The following SNCG variants were observed in gnomAD, a reference collection of about 807,000 sequenced individuals.
The protein encoded by SNCG is gamma-synuclein.
Under a neutral mutation model 16.0 loss-of-function variants are expected in SNCG, and 13 were observed. The ratio of observed to expected loss-of-function variants is 0.81; its 90% CI spans 0.53 to 1.29. The LOEUF is 1.29. Among genes scored for constraint, SNCG ranks in the 50% most tolerant of loss-of-function variants. The probability of loss-of-function intolerance (pLI) is 0.00; values close to 1 mark genes in which losing one functional copy is unlikely to be tolerated. For missense variants in SNCG, 154 were observed against 168.5 expected (o/e 0.91, Z 0.48); for synonymous variants, 66 against 66.3 (o/e 1.00, Z 0.02).
rs1447470622 is a variant in SNCG, at chr10:86,958,839, T to TG, written c.121+24dup. 3.2e-6 allele frequency: 5 copies of TG among 1,584,824 alleles called. No individual in the cohort carries two copies. In the South Asian group the frequency reaches 4.7e-5, roughly 15 times the overall value. On this transcript the variant is annotated intron_variant, in intron 1 of 4. Transcript: ENST00000372017. Reference sequence around the variant, plus strand: ...TGTGGGTAAGTGGGGCATGGCAGGGTGGGACAGTGTGGTGGCCAAAGGGTG... The same window carrying TG: ...TGTGGGTAAGTGGGGCATGGCAGGGTGGGGACAGTGTGGTGGCCAAAGGGTG...
In SNCG at chr10:86,962,495, G is replaced by A. The variant is rs1844370939; in HGVS notation, c.292-109G>A. 8.5e-6 allele frequency: 6 copies of A among 709,918 alleles called. No individual in the cohort carries two copies. In the East Asian group the frequency reaches 1.4e-4, roughly 16 times the overall value. 44.0% of individuals were successfully genotyped at this position (709,918 alleles called of 1,614,324 possible). The stretch of plus-strand genomic sequence containing the variant: ...CCCTCCAAGTACAACAAGGCCACGA[G>A]GGGCCTCTGCTCCTCCTTGAGGCCA... On this transcript the variant is annotated intron_variant, in intron 3 of 4. Transcript: ENST00000372017.
chr10:86,955,886 GAGA>G (rs567269549), upstream of SNCG, among the ~76,000 whole-genome samples: 31 of 152,254 alleles, frequency 2.0e-4, no homozygotes, highest in African/African-American at 7.5e-4. Context: ...CAGAACCCCA[GAGA>G]AGGACTGCGG....
At chr10:86,961,639 C>T (rs536704425) in intron 3 of SNCG, among the ~76,000 whole-genome samples, 3 of 152,298 alleles carry the variant, frequency 2.0e-5, no homozygotes, top group African/African-American at 4.8e-5. Flanking sequence ...AAACCAGTCA[C>T]GACTCATCTC....
chr10:86,959,481 G>A lies in SNCG; in HGVS notation c.122-152G>A. 1.5e-6 allele frequency: 1 copy of A among 674,534 alleles called. No individual in the cohort carries two copies. Among genetic ancestry groups the A allele is most frequent in the Non-Finnish European group, 2.7e-6 (1 of 372,122 alleles). 41.8% of individuals were successfully genotyped at this position (674,534 alleles called of 1,614,324 possible). On this transcript the variant is annotated intron_variant, in intron 1 of 4. Coordinates refer to ENST00000372017, the MANE Select transcript of SNCG (RefSeq NM_003087.3). The surrounding 1 kb of genome is among the most constrained non-coding windows in gnomAD (Gnocchi z 4.3). Reference sequence around the variant, plus strand: ...CATCCACTTCTTCCAGACACAGCAGGAAGAGGCCCTCTGAAGGGGCCGCCG... The same window carrying A: ...CATCCACTTCTTCCAGACACAGCAGAAAGAGGCCCTCTGAAGGGGCCGCCG...
At chr10:86,957,457 G>A (rs1844254566), upstream of SNCG, 1 of 1,613,530 alleles carries the variant, frequency 6.2e-7, no homozygotes, top group Admixed American at 1.7e-5. Context: ...AGATCAGAGA[G>A]GCTAGTACTG....
chr10:86,957,294 G>C (rs1056856236), upstream of SNCG: 1 of 1,418,072 alleles, frequency 7.1e-7, no homozygotes, highest in African/African-American at 1.4e-5. Context: ...TGGGACCCCA[G>C]TGAGGTCTAG....
At chr10:86,958,924 G>C in intron 1 of SNCG, 106 bp downstream of exon 1, 9 of 1,278,908 alleles carry the variant, frequency 7.0e-6, no homozygotes, top group Middle Eastern at 4.0e-4. Context: ...TTTTGGGAGG[G>C]GGCGAGGCCC....
intron 3 of SNCG, among the ~76,000 whole-genome samples, chr10:86,961,457 CATCAT>C (rs1253604313): frequency 6.6e-6 from 1 of 152,022 alleles, no homozygotes; most frequent in Non-Finnish European, 1.5e-5. Context: ...TCATCATCAT[CATCAT>C]GTGTCCCAGG....
chr10:86,956,434 G>GC (rs546222540), upstream of SNCG, among the ~76,000 whole-genome samples: 87 of 151,790 alleles, frequency 5.7e-4, 1 homozygote, highest in South Asian at 5.8e-3. Context: ...GTGTAAGTTG[G>GC]CCCCCCCCTC....
At chr10:86,957,686 C>T, upstream of SNCG, 2 of 1,337,244 alleles carry the variant, frequency 1.5e-6, no homozygotes, top group Non-Finnish European at 2.0e-6. Context: ...GCCGGCCTAC[C>T]CGGTGGGTCT....
rs778658322 is a variant in SNCG at position 86,960,104 on chromosome 10, G to A, written c.267G>A (p.Ala89=). The change falls in exon 3 of 5, where the codon GCG becomes GCA. Residue 89 remains alanine, a synonymous_variant. Coordinates refer to ENST00000372017, the MANE Select transcript of SNCG (RefSeq NM_003087.3). Reference sequence around the variant, plus strand: ...CCGTGGAGGAGGCGGAGAACATCGCGGTCACCTCCGGGGTGGTGCGCAAGG... The same window carrying A: ...CCGTGGAGGAGGCGGAGAACATCGCAGTCACCTCCGGGGTGGTGCGCAAGG... ...TKTVEEAENI[A]VTSGVVRKED... The A allele has an allele frequency of 4.3e-6, 7 of 1,613,122 alleles. No homozygotes were observed. Among genetic ancestry groups the A allele is most frequent in the East Asian group, 2.2e-5 (1 of 44,858 alleles).
chr10:86,959,910 T>C lies in SNCG; in HGVS notation c.164-91T>C, dbSNP rs762556769. 11 of 1,533,614 alleles carry C rather than the reference T, an allele frequency of 7.2e-6. No homozygotes were observed. Among genetic ancestry groups the C allele is most frequent in the Non-Finnish European group, 4.4e-6 (5 of 1,135,564 alleles). Reference sequence around the variant, plus strand: ...GAGGGTCCCAGCAGGGCCAGGGCTCTGAGCTCCTGGGAAGGGGCTGCGAGC... The same window carrying C: ...GAGGGTCCCAGCAGGGCCAGGGCTCCGAGCTCCTGGGAAGGGGCTGCGAGC... On this transcript the variant is annotated intron_variant, in intron 2 of 4. Coordinates refer to ENST00000372017, the MANE Select transcript of SNCG (RefSeq NM_003087.3). This position sits in a 1 kb window ranked among gnomAD's most constrained non-coding sequence, Gnocchi z 4.3.
At position 86,960,104 on chromosome 10, in the gene SNCG, G is replaced by T. The variant is rs778658322; in HGVS notation, c.267G>T (p.Ala89=). The T allele has an allele frequency of 1.2e-6, 2 of 1,613,004 alleles. No individual in the cohort carries two copies. Among genetic ancestry groups the T allele is most frequent in the African/African-American group, 2.7e-5 (2 of 74,874 alleles). ...TKTVEEAENI[A]VTSGVVRKED... ...CCGTGGAGGAGGCGGAGAACATCGC[G>T]GTCACCTCCGGGGTGGTGCGCAAGG... Residue 89 remains alanine (A), a synonymous_variant, in exon 3 of 5, where the codon GCG becomes GCT. Transcript: ENST00000372017.
At chr10:86,962,457 CA>C in intron 3 of SNCG, 146 bp from the exon 4 acceptor site, 1 of 578,118 alleles carries the variant, frequency 1.7e-6, no homozygotes, top group South Asian at 2.3e-5. Flanking sequence ...TGCACGCCCC[CA>C]ATACCTCCAG....
chr10:86,958,500 C>CAACCAAACCA, upstream of SNCG: 1 of 1,098,592 alleles, frequency 9.1e-7, no homozygotes, highest in Non-Finnish European at 1.1e-6. Flanking sequence ...ACCTCCTTCC[C>CAACCAAACCA]TCCCTCCCTC....
At chr10:86,960,300 TCG>T (rs1005001312) in intron 3 of SNCG, among the ~76,000 whole-genome samples, 172 bp downstream of exon 3, 5 of 152,158 alleles carry the variant, frequency 3.3e-5, no homozygotes, top group African/African-American at 9.7e-5. Flanking sequence ...TGCTTGCTGT[TCG>T]ACCTGCATTC....
chr10:86,957,558 G>A (rs755629156), upstream of SNCG: 1 of 1,597,044 alleles, frequency 6.3e-7, no homozygotes, highest in South Asian at 1.1e-5. Context: ...GGTGGGGCAG[G>A]CTCAGCTCAC....
rs1317087319 is a variant in SNCG, at chr10:86,959,926, G to C, written c.164-75G>C. On this transcript the variant is annotated intron_variant, in intron 2 of 4. Coordinates refer to ENST00000372017, the MANE Select transcript of SNCG (RefSeq NM_003087.3). This position sits in a 1 kb window ranked among gnomAD's most constrained non-coding sequence, Gnocchi z 4.3. ...CCAGGGCTCTGAGCTCCTGGGAAGG[G>C]GCTGCGAGCCTGACTCCAGCAGGCC... is the stretch of plus-strand genomic sequence containing the variant. The C allele has an allele frequency of 1.3e-6, 2 of 1,544,996 alleles. No homozygotes were observed.
At chr10:86,960,565 C>T (rs1844327144) in intron 3 of SNCG, among the ~76,000 whole-genome samples, 1 of 152,160 alleles carries the variant, frequency 6.6e-6, no homozygotes. Context: ...GGGGCAGCTG[C>T]CTCCTGCTGG....
Sources: gnomAD v4.1 joint callset for allele counts (sites outside exome capture counted in the v4.1 genomes callset) on GRCh38, gnomAD v4.1.1 for gene constraint, Gnocchi (gnomAD v3.1) non-coding constraint, MANE v1.5 for transcripts, NCBI Gene and HGNC (gene_info 2026-07-23, HGNC 2026-07-21) for gene names.